Variants in CDH13 observed in about 807,000 individuals in gnomAD.
The protein encoded by CDH13 is cadherin-13.
Under a neutral mutation model 63.8 loss-of-function variants are expected in CDH13, and 24 were observed. The ratio of observed to expected loss-of-function variants is 0.38; its 90% CI spans 0.27 to 0.53. The LOEUF (loss-of-function observed/expected upper bound fraction) is 0.53. CDH13 is among the 20% of genes least tolerant of loss of function. The probability of loss-of-function intolerance (pLI) is 0.85; values close to 1 mark genes in which losing one functional copy is unlikely to be tolerated. For synonymous variants in CDH13, 503 were observed against 355.3 expected (o/e 1.42, Z -4.67); for missense variants, 1,049 against 903.1 (o/e 1.16, Z -2.07).
intron 10 of CDH13, chr16:83,726,265 G>A (rs1210524139): frequency 2.0e-5 from 3 of 152,184 alleles, no homozygotes; most frequent in Non-Finnish European, 2.9e-5. Context: ...TGGGGAAACT[G>A]AGGCCCAAGA....
At chr16:83,222,446 G>A (rs1012214923) in intron 5 of CDH13, among the ~76,000 whole-genome samples, 12 of 152,280 alleles carry the variant, frequency 7.9e-5, no homozygotes, top group African/African-American at 1.9e-4. Flanking sequence ...GTATCATAAT[G>A]TCAGTGCTTA....
intron 6 of CDH13, among the ~76,000 whole-genome samples, chr16:83,412,907 C>G (rs944124443): frequency 2.6e-5 from 4 of 152,102 alleles, no homozygotes; most frequent in African/African-American, 9.7e-5. Context: ...ATGTTACTTC[C>G]TTTTTTAAAG....
Position 83,542,128 on chromosome 16 carries a change from T to A in CDH13, c.960+55473T>A, listed in dbSNP as rs555785805. Among the ~76,000 whole-genome samples, 20 of 152,320 alleles carry A rather than the reference T, an allele frequency of 1.3e-4. No homozygotes were observed. In the South Asian group the frequency reaches 2.1e-3, roughly 16 times the overall value. On this transcript the variant is annotated intron_variant, in intron 7 of 13. Transcript: ENST00000567109. Reference sequence around the variant, plus strand: ...TCATGCTAGTCTTATTGAATTAGCATCTGCATTTTAACAAGACTCTCAGGT... The same window carrying A: ...TCATGCTAGTCTTATTGAATTAGCAACTGCATTTTAACAAGACTCTCAGGT...
chr16:83,393,884 G>A, intron 6 of CDH13, among the ~76,000 whole-genome samples: 1 of 152,140 alleles, frequency 6.6e-6, no homozygotes, highest in East Asian at 1.9e-4. Flanking sequence ...AGAGAAGCAA[G>A]CATGAAGAGG....
intron 2 of CDH13, among the ~76,000 whole-genome samples, chr16:82,876,984 A>G (rs762998428): frequency 9.2e-5 from 14 of 152,198 alleles, no homozygotes; most frequent in Admixed American, 2.6e-4. Context: ...TATACTATAC[A>G]GTAAATACAA....
chr16:83,349,439 C>T (rs1373039445), intron 6 of CDH13, among the ~76,000 whole-genome samples: 1 of 152,074 alleles, frequency 6.6e-6, no homozygotes. Context: ...GAATGGCTGA[C>T]CATGAGGAAT....
intron 7 of CDH13, among the ~76,000 whole-genome samples, chr16:83,512,059 C>A (rs911231863): frequency 2.0e-5 from 3 of 151,908 alleles, no homozygotes; most frequent in Non-Finnish European, 4.4e-5. Context: ...CGGTGGCTCA[C>A]GCCTGTAATT....
At chr16:82,663,453 G>A (rs1168706994) in intron 1 of CDH13, among the ~76,000 whole-genome samples, 1 of 152,092 alleles carries the variant, frequency 6.6e-6, no homozygotes, top group African/African-American at 2.4e-5. Context: ...CCAAAATGCT[G>A]GGATTACAGG....
Position 83,797,917 on chromosome 16 carries a change from C to G in CDH13, c.*2887C>G, listed in dbSNP as rs1904290428. The G allele has an allele frequency of 6.6e-6, 1 of 152,188 alleles. No homozygotes were observed. Among genetic ancestry groups the G allele is most frequent in the Non-Finnish European group, 1.5e-5 (1 of 68,032 alleles). 9.4% of individuals were successfully genotyped at this position (152,188 alleles called of 1,614,324 possible). ...TTTAATAAGAATATGCACACATTTT[C>G]TAATTTCAATAAAAGTCACCTTCAA... On this transcript the variant is annotated 3_prime_UTR_variant, in exon 14 of 14. Coordinates refer to ENST00000567109, the MANE Select transcript of CDH13 (RefSeq NM_001257.5).
At chr16:83,536,598 T>A (rs1036277004) in intron 7 of CDH13, among the ~76,000 whole-genome samples, 1 of 152,086 alleles carries the variant, frequency 6.6e-6, no homozygotes, top group South Asian at 2.1e-4. Flanking sequence ...TTTATACTAA[T>A]GGAAATGGGA....
At chr16:83,310,475 A>C (rs1055119605) in intron 5 of CDH13, among the ~76,000 whole-genome samples, 1 of 152,186 alleles carries the variant, frequency 6.6e-6, no homozygotes, top group Non-Finnish European at 1.5e-5. Flanking sequence ...ACGTACAGAG[A>C]GGCAGAGAGG....
intron 5 of CDH13, among the ~76,000 whole-genome samples, chr16:83,219,300 G>T (rs1375946939): frequency 9.3e-6 from 1 of 107,108 alleles, no homozygotes; most frequent in Non-Finnish European, 2.1e-5. Context: ...TTGCAGCTTG[G>T]AGCTTCCCAT....
In CDH13 at chr16:83,039,672, G is replaced by A. The variant is rs150355148; in HGVS notation, c.366+7454G>A. On this transcript the variant is annotated intron_variant, in intron 3 of 13. Transcript: ENST00000567109. ...CTCAGCACCCTGCCCAGTGCCTGGC[G>A]CAGAGTATTCAGTGGATGCCTTTTG... 2.0e-4 allele frequency among the ~76,000 whole-genome samples: 30 copies of A among 152,172 alleles called. 1 individual carries two copies. Among genetic ancestry groups the A allele is most frequent in the African/African-American group, 5.3e-4 (22 of 41,518 alleles).
At chr16:83,605,324 T>A (rs940587266) in intron 8 of CDH13, among the ~76,000 whole-genome samples, 2 of 152,210 alleles carry the variant, frequency 1.3e-5, no homozygotes, top group Non-Finnish European at 2.9e-5. Context: ...ATAATTTAAA[T>A]TCATGATTAA....
intron 2 of CDH13, among the ~76,000 whole-genome samples, chr16:82,895,145 G>A (rs1250317056): frequency 1.3e-5 from 2 of 152,110 alleles, no homozygotes; most frequent in African/African-American, 2.4e-5. Context: ...CCTCTACCTA[G>A]TTCAAAACAT....
chr16:83,005,202 G>C (rs137938280), intron 2 of CDH13, among the ~76,000 whole-genome samples: 1 of 152,206 alleles, frequency 6.6e-6, no homozygotes, highest in Non-Finnish European at 1.5e-5. Flanking sequence ...GGCTTTAACC[G>C]GTGGCTCTAC....
At chr16:83,304,813 A>G (rs1489142016) in intron 5 of CDH13, among the ~76,000 whole-genome samples, 4 of 152,120 alleles carry the variant, frequency 2.6e-5, no homozygotes, top group Non-Finnish European at 5.9e-5. Flanking sequence ...GTAAGAGTGA[A>G]TTAGGCTTCA....
rs9923779 is a variant in CDH13, at chr16:82,717,900, A to G, written c.45+90763A>G. 2.4e-3 allele frequency among the ~76,000 whole-genome samples: 364 copies of G among 152,302 alleles called. 2 individuals are homozygous for G. Among genetic ancestry groups the G allele is most frequent in the African/African-American group, 8.2e-3 (341 of 41,574 alleles). ...AGTAGCCAGTTTATTCCCAAAATGCATGTGTCATCACAAACCAAGATGAGT... is the reference window on the plus strand; with the variant it reads ...AGTAGCCAGTTTATTCCCAAAATGCGTGTGTCATCACAAACCAAGATGAGT... On this transcript the variant is annotated intron_variant, in intron 1 of 13. Coordinates refer to ENST00000567109, the MANE Select transcript of CDH13 (RefSeq NM_001257.5).
chr16:83,502,342 C>T (rs1040349327), intron 7 of CDH13, among the ~76,000 whole-genome samples: 10 of 151,888 alleles, frequency 6.6e-5, no homozygotes, highest in Non-Finnish European at 1.5e-4. Flanking sequence ...GGAGCAAGGG[C>T]CCACCATGCA....
Sources: allele counts gnomAD v4.1 joint callset (sites outside exome capture counted in the v4.1 genomes callset), GRCh38; gene constraint gnomAD v4.1.1; transcripts MANE v1.5; gene names NCBI Gene and HGNC (gene_info 2026-07-23, HGNC 2026-07-21).